TENT5D: variants seen among roughly 807,000 people sequenced by gnomAD.
TENT5D encodes the protein terminal nucleotidyltransferase 5D, also known as cancer/testis antigen 112.
For synonymous variants in TENT5D, 103 were observed against 100.6 expected (o/e 1.02, Z -0.15); for missense variants, 191 against 287.0 (o/e 0.67, Z 2.42).
At chrX:80,376,822 A>G (rs1470174199) in intron 3 of TENT5D, among the ~76,000 whole-genome samples, 1 of 111,867 alleles carries the variant, frequency 8.9e-6, no homozygotes, top group Non-Finnish European at 1.9e-5. Flanking sequence ...TGAATTATTT[A>G]TATATCTTCA....
At chrX:80,397,028 G>T (rs1373015386) in intron 3 of TENT5D, among the ~76,000 whole-genome samples, 4 of 95,708 alleles carry the variant, frequency 4.2e-5, no homozygotes, top group African/African-American at 1.2e-4. Context: ...CCGGGGGGGG[G>T]GCTGACCCCC....
At chrX:80,429,518 G>T (rs1932045275) in intron 1 of TENT5D, among the ~76,000 whole-genome samples, 1 of 109,312 alleles carries the variant, frequency 9.1e-6, no homozygotes, top group Non-Finnish European at 1.9e-5. Flanking sequence ...GGCCAGGCTG[G>T]TCTCAAACTC....
At chrX:80,411,251 AAAAG>A (rs1303687026) in intron 3 of TENT5D, among the ~76,000 whole-genome samples, 11 of 111,703 alleles carry the variant, frequency 9.8e-5, no homozygotes, top group South Asian at 3.8e-4. Context: ...TAATAAAAAA[AAAAG>A]AAAGAAAATT....
At chrX:80,394,911 A>G (rs990808508) in intron 3 of TENT5D, among the ~76,000 whole-genome samples, 1 of 111,338 alleles carries the variant, frequency 9.0e-6, no homozygotes, top group African/African-American at 3.3e-5. Flanking sequence ...GAAATATGCA[A>G]TACATTATCG....
chrX:80,414,008 A>G (rs1453932677), intron 3 of TENT5D, among the ~76,000 whole-genome samples: 1 of 112,180 alleles, frequency 8.9e-6, no homozygotes, highest in African/African-American at 3.2e-5. Flanking sequence ...AGTGAAAACA[A>G]AATTCCAATT....
At chrX:80,340,308 CAAAA>C (rs929222707) in intron 2 of TENT5D, among the ~76,000 whole-genome samples, 2 of 110,840 alleles carry the variant, frequency 1.8e-5, no homozygotes, top group Admixed American at 9.7e-5. Flanking sequence ...CAAAGCAAAA[CAAAA>C]AAGGCTCTCT....
chrX:80,444,391 A>G (rs965080543), exon 3 of TENT5D: 7 of 122,438 alleles, frequency 5.7e-5, no homozygotes, highest in Non-Finnish European at 1.3e-4. Flanking sequence ...CATTTAGTTA[A>G]TTTGTGGATT....
At chrX:80,432,404 C>A (rs1028200758) in intron 1 of TENT5D, among the ~76,000 whole-genome samples, 3 of 111,084 alleles carry the variant, frequency 2.7e-5, no homozygotes, top group Non-Finnish European at 5.7e-5. Context: ...CACGTGAGGG[C>A]AAAGGGGGAT....
intron 3 of TENT5D, among the ~76,000 whole-genome samples, chrX:80,390,796 G>C (rs1337493138): frequency 8.9e-6 from 1 of 111,910 alleles, no homozygotes; most frequent in Admixed American, 9.5e-5. Flanking sequence ...GATCATTTGA[G>C]AAGAAGGACA....
intron 3 of TENT5D, among the ~76,000 whole-genome samples, chrX:80,396,587 A>G (rs1378059168): frequency 5.4e-5 from 6 of 110,659 alleles, no homozygotes; most frequent in East Asian, 5.8e-4. Context: ...CACAGGGTTG[A>G]GGGTAAGGTC....
At position 80,336,240 on chromosome X, in the gene TENT5D, A is replaced by G. The variant is rs912939529; in HGVS notation, c.-207+524A>G. On this transcript the variant is annotated intron_variant, in intron 2 of 4. Transcript: ENST00000538312. The stretch of plus-strand genomic sequence containing the variant: ...GGGGAAATAAGCATCTAATTGGATA[A>G]GTTTCTTTTTATCTTTGTTTCTTTT... 1.3e-4 allele frequency among the ~76,000 whole-genome samples: 15 copies of G among 111,212 alleles called. No individual in the cohort carries two copies. In the East Asian group the frequency reaches 4.2e-3, roughly 31 times the overall value.
chrX:80,364,223 T>A (rs1338893841), intron 3 of TENT5D, among the ~76,000 whole-genome samples: 1 of 111,563 alleles, frequency 9.0e-6, no homozygotes, highest in Non-Finnish European at 1.9e-5. Flanking sequence ...ATTTAACATG[T>A]CTATAAATGA....
intron 1 of TENT5D, among the ~76,000 whole-genome samples, chrX:80,428,786 A>T (rs886301142): frequency 8.9e-6 from 1 of 112,125 alleles, no homozygotes; most frequent in African/African-American, 3.2e-5. Context: ...TGCTCTCATC[A>T]CTTTTGATAA....
intron 3 of TENT5D, among the ~76,000 whole-genome samples, chrX:80,345,995 C>G (rs1472356688): frequency 8.9e-6 from 1 of 111,950 alleles, no homozygotes. Context: ...TTTTTCATTC[C>G]TATTCTTGTC....
upstream of TENT5D, among the ~76,000 whole-genome samples, chrX:80,416,347 T>G (rs1211514778): frequency 9.3e-6 from 1 of 107,847 alleles, no homozygotes; most frequent in Non-Finnish European, 1.9e-5. Context: ...GAGGTTAATT[T>G]GCTTTTGTTT....
intron 3 of TENT5D, among the ~76,000 whole-genome samples, chrX:80,411,631 G>T (rs1197915289): frequency 9.0e-6 from 1 of 111,229 alleles, no homozygotes; most frequent in Non-Finnish European, 1.9e-5. Flanking sequence ...TAGACAAAAA[G>T]TATTTTTTAA....
chrX:80,343,649 C>G (rs758089365), intron 3 of TENT5D, among the ~76,000 whole-genome samples: 37 of 110,241 alleles, frequency 3.4e-4, no homozygotes, highest in Non-Finnish European at 6.1e-4. Flanking sequence ...ATCTGCCCAC[C>G]TCAGCTTCCC....
chrX:80,376,320 G>A (rs1930727055), intron 3 of TENT5D, among the ~76,000 whole-genome samples: 1 of 111,114 alleles, frequency 9.0e-6, no homozygotes, highest in Admixed American at 9.6e-5. Flanking sequence ...TTCGTTAATA[G>A]TATATACATA....
chrX:80,358,325 T>G (rs1930331285), intron 3 of TENT5D, among the ~76,000 whole-genome samples: 1 of 111,593 alleles, frequency 9.0e-6, no homozygotes, highest in South Asian at 3.7e-4. Context: ...GGGATCTAAT[T>G]AAACTAAAGA....
Sources: gnomAD v4.1 joint callset for allele counts (sites outside exome capture counted in the v4.1 genomes callset) on GRCh38, gnomAD v4.1.1 for gene constraint, MANE v1.5 for transcripts, NCBI Gene and HGNC (gene_info 2026-07-23, HGNC 2026-07-21) for gene names.